SLC2A1: variants seen among roughly 807,000 people sequenced by gnomAD.
The protein encoded by SLC2A1 is solute carrier family 2, facilitated glucose transporter member 1.
Under a neutral mutation model 46.6 loss-of-function variants are expected in SLC2A1, and 4 were observed. That is an observed-to-expected ratio of 0.09 (90% CI 0.04 to 0.20). SLC2A1 has a LOEUF of 0.20. Among genes scored for constraint, SLC2A1 ranks in the 10% least tolerant of loss-of-function variants. SLC2A1 has a pLI of 1.00. For synonymous variants in SLC2A1, 253 were observed against 270.0 expected (o/e 0.94, Z 0.62); for missense variants, 352 against 667.0 (o/e 0.53, Z 5.20).
chr1:42,942,417 C>G (rs555438073), intron 2 of SLC2A1, among the ~76,000 whole-genome samples: 1 of 152,084 alleles, frequency 6.6e-6, no homozygotes, highest in East Asian at 1.9e-4. Context: ...ACCCCCTACC[C>G]CCTTTTCCTC....
At chr1:42,935,815 T>C (rs956823306) in intron 2 of SLC2A1, among the ~76,000 whole-genome samples, 5 of 152,160 alleles carry the variant, frequency 3.3e-5, no homozygotes, top group Non-Finnish European at 1.5e-5. Context: ...GTGAGTTCCC[T>C]GTAAGTAGGG....
intron 2 of SLC2A1, among the ~76,000 whole-genome samples, chr1:42,932,317 C>T (rs750495725): frequency 2.0e-5 from 3 of 152,014 alleles, no homozygotes; most frequent in Admixed American, 6.5e-5. Context: ...AGGCAGCACC[C>T]GTTCTGCCTG....
At chr1:42,939,118 ATCTCTGTG>A (rs1234800223) in intron 2 of SLC2A1, among the ~76,000 whole-genome samples, 1 of 152,244 alleles carries the variant, frequency 6.6e-6, no homozygotes, top group Admixed American at 6.5e-5. Flanking sequence ...GCCAGATGGA[ATCTCTGTG>A]TCGCCCTAGG....
At chr1:42,944,892 C>G (rs1643634896) in intron 1 of SLC2A1, among the ~76,000 whole-genome samples, 1 of 152,272 alleles carries the variant, frequency 6.6e-6, no homozygotes, top group East Asian at 1.9e-4. Context: ...AGCCCCCACC[C>G]CCCGTATGTC....
intron 2 of SLC2A1, among the ~76,000 whole-genome samples, chr1:42,942,624 G>T (rs933639050): frequency 6.6e-6 from 1 of 151,948 alleles, no homozygotes; most frequent in Non-Finnish European, 1.5e-5. Context: ...GGCCTTCAGG[G>T]AGAGGACGCG....
intron 2 of SLC2A1, among the ~76,000 whole-genome samples, chr1:42,932,533 T>C (rs934899489): frequency 1.3e-5 from 2 of 152,070 alleles, no homozygotes; most frequent in African/African-American, 4.8e-5. Flanking sequence ...CACTTACAGC[T>C]CAAACTCAAT....
intron 1 of SLC2A1, chr1:42,952,631 T>C (rs1238231566): frequency 3.5e-6 from 1 of 285,834 alleles, no homozygotes; most frequent in Non-Finnish European, 7.1e-6. Flanking sequence ...GCCAGAACCC[T>C]CTGGGAATAG....
intron 1 of SLC2A1, among the ~76,000 whole-genome samples, chr1:42,950,940 A>T (rs1335732005): frequency 6.6e-6 from 1 of 152,134 alleles, no homozygotes; most frequent in East Asian, 1.9e-4. Flanking sequence ...GCGCCATTGC[A>T]CTCCAGCTTG....
Position 42,929,090 on chromosome 1 carries a change from C to T in SLC2A1, c.973-57G>A. On this transcript the variant is annotated intron_variant, in intron 7 of 9. Coordinates refer to ENST00000426263, the MANE Select transcript of SLC2A1 (RefSeq NM_006516.4). The surrounding 1 kb of genome is among the most constrained non-coding windows in gnomAD (Gnocchi z 6.0). ...TGCCTAGTGCCCTTCTGAACCCACCCACCCAGAGGCCTTGCCTCAAGAGCT... is the reference window on the plus strand; with the variant it reads ...TGCCTAGTGCCCTTCTGAACCCACCTACCCAGAGGCCTTGCCTCAAGAGCT... 2 of 1,577,556 alleles carry T rather than the reference C, an allele frequency of 1.3e-6. No homozygotes were observed. Among genetic ancestry groups the T allele is most frequent in the Middle Eastern group, 1.7e-4 (1 of 6,004 alleles).
chr1:42,935,479 C>T (rs1262143603), intron 2 of SLC2A1, among the ~76,000 whole-genome samples: 24 of 152,200 alleles, frequency 1.6e-4, no homozygotes, highest in Non-Finnish European at 1.5e-5. Flanking sequence ...CACTGCCTGG[C>T]ACATGGGTAA....
rs750708154 is a variant in SLC2A1 at position 42,930,498 on chromosome 1, T to C, written c.516+128A>G. 8.7e-6 allele frequency: 11 copies of C among 1,271,178 alleles called. No individual in the cohort carries two copies. The highest frequency in any genetic ancestry group is 5.9e-5 in the African/African-American group (4 of 67,688). 78.7% of individuals were successfully genotyped at this position (1,271,178 alleles called of 1,614,324 possible). The stretch of plus-strand genomic sequence containing the variant: ...CTGTGTTCTCTGGACCTGTGTACCA[T>C]AGTTGTCCTCTGCAAGGCTGTGGGG... On this transcript the variant is annotated intron_variant, in intron 4 of 9. Coordinates refer to ENST00000426263, the MANE Select transcript of SLC2A1 (RefSeq NM_006516.4). The surrounding 1 kb of genome is among the most constrained non-coding windows in gnomAD (Gnocchi z 6.2).
At chr1:42,952,305 G>A in intron 1 of SLC2A1, 1 of 451,756 alleles carries the variant, frequency 2.2e-6, no homozygotes, top group Admixed American at 2.4e-5. Context: ...AGGCAGCACT[G>A]TGTCCCCCAC....
intron 1 of SLC2A1, among the ~76,000 whole-genome samples, chr1:42,957,911 GGAACACA>G (rs1261393156): frequency 6.6e-6 from 1 of 152,134 alleles, no homozygotes; most frequent in Non-Finnish European, 1.5e-5. Flanking sequence ...CTGCCTCCGC[GGAACACA>G]TCTCCGCGAG....
rs967636964 is a variant in SLC2A1 at position 42,927,456 on chromosome 1, G to A, written c.1278+149C>T. On this transcript the variant is annotated intron_variant, in intron 9 of 9. Transcript: ENST00000426263. This position sits in a 1 kb window ranked among gnomAD's most constrained non-coding sequence, Gnocchi z 5.3. ...AGGCTAAGGGGAGAACCCTGGAGTTGAGGTCAGCATTCTTGGTCATGTGAC... is the reference window on the plus strand; with the variant it reads ...AGGCTAAGGGGAGAACCCTGGAGTTAAGGTCAGCATTCTTGGTCATGTGAC... 4.6e-6 allele frequency: 4 copies of A among 861,496 alleles called. No homozygotes were observed. The East Asian group carries it at 1.1e-4, about 23-fold the overall frequency. The allele number at this position is 861,496 out of a possible 1,614,324, so 53.4% of individuals were successfully genotyped here. A position where few individuals can be genotyped will look rare whatever the true frequency, so the allele number is the denominator to read the frequency against.
At chr1:42,945,347 G>A (rs1643642585) in intron 1 of SLC2A1, among the ~76,000 whole-genome samples, 1 of 152,034 alleles carries the variant, frequency 6.6e-6, no homozygotes, top group Non-Finnish European at 1.5e-5. Flanking sequence ...TCCAGCCTGG[G>A]TGACAGAGTG....
rs1021845527 is a variant in SLC2A1, at chr1:42,925,511, A to C, written c.*1530T>G. ...TCATGAAATTCAGACTAGTGGCAGA[A>C]AACTGGACTTGTGATGAAGGAGCAG... On this transcript the variant is annotated 3_prime_UTR_variant, in exon 10 of 10. Transcript: ENST00000426263. 2.6e-5 allele frequency: 4 copies of C among 152,446 alleles called. No individual in the cohort carries two copies. The highest frequency in any genetic ancestry group is 5.9e-5 in the Non-Finnish European group (4 of 68,190). 9.4% of individuals were successfully genotyped at this position (152,446 alleles called of 1,614,324 possible).
intron 8 of SLC2A1, 152 bp downstream of exon 8, chr1:42,928,780 G>A: frequency 1.3e-6 from 1 of 769,606 alleles, no homozygotes; most frequent in Non-Finnish European, 2.3e-6. Flanking sequence ...TTTGGAAGGA[G>A]ACAACTTCAG....
chr1:42,941,028 T>G (rs1298614865), intron 2 of SLC2A1, among the ~76,000 whole-genome samples: 1 of 152,230 alleles, frequency 6.6e-6, no homozygotes, highest in African/African-American at 2.4e-5. Context: ...TCTGTTGCCC[T>G]CGCACGGAAT....
In SLC2A1 at chr1:42,939,103, G is replaced by T. The variant is rs530249645; in HGVS notation, c.114+4123C>A. 1.6e-4 allele frequency among the ~76,000 whole-genome samples: 24 copies of T among 152,350 alleles called. 1 individual carries two copies. The South Asian group carries it at 4.3e-3, about 28-fold the overall frequency. ...TCAGGAAGTCCTGGCTGAATGAAAGGGTTGGCCAGATGGAATCTCTGTGTC... is the reference window on the plus strand; with the variant it reads ...TCAGGAAGTCCTGGCTGAATGAAAGTGTTGGCCAGATGGAATCTCTGTGTC... On this transcript the variant is annotated intron_variant, in intron 2 of 9. Transcript: ENST00000426263.
Sources: allele counts gnomAD v4.1 joint callset (sites outside exome capture counted in the v4.1 genomes callset), GRCh38; gene constraint gnomAD v4.1.1; non-coding constraint Gnocchi (gnomAD v3.1); transcripts MANE v1.5; gene names NCBI Gene and HGNC (gene_info 2026-07-23, HGNC 2026-07-21).